Variants in FAF1 observed in about 807,000 individuals in gnomAD.
FAF1 encodes FAS-associated factor 1.
In FAF1, 25 loss-of-function variants were observed where a neutral mutation model predicts 92.5. That is an observed-to-expected ratio of 0.27 (90% CI 0.20 to 0.38). The LOEUF (loss-of-function observed/expected upper bound fraction) is 0.38, where lower values mean the gene tolerates loss of function less well. Ranked by LOEUF, FAF1 falls within the 10% of genes least tolerant of loss-of-function variation. The pLI, the probability that FAF1 is intolerant of heterozygous loss-of-function variation, is 1.00. For missense variants in FAF1, 636 were observed against 793.3 expected (o/e 0.80, Z 2.38); for synonymous variants, 234 against 273.2 (o/e 0.86, Z 1.42).
At chr1:50,908,789 C>T (rs1644860651) in intron 1 of FAF1, among the ~76,000 whole-genome samples, 1 of 152,018 alleles carries the variant, frequency 6.6e-6, no homozygotes, top group Admixed American at 6.6e-5. Context: ...AGATGGGTTT[C>T]CTGAATACAG....
At chr1:50,950,135 T>A (rs1167113199) in intron 1 of FAF1, among the ~76,000 whole-genome samples, 1 of 152,194 alleles carries the variant, frequency 6.6e-6, no homozygotes, top group African/African-American at 2.4e-5. Context: ...CCACCACACC[T>A]GTCCCAGATC....
At chr1:50,533,445 T>C (rs561858686) in intron 15 of FAF1, among the ~76,000 whole-genome samples, 7 of 152,338 alleles carry the variant, frequency 4.6e-5, no homozygotes, top group Admixed American at 1.3e-4. Flanking sequence ...CAAATGTTCA[T>C]TTATTCAATT....
chr1:50,655,566 T>G, intron 7 of FAF1, 38 bp from the exon 8 acceptor site: 2 of 1,296,168 alleles, frequency 1.5e-6, no homozygotes, highest in African/African-American at 1.5e-5. Flanking sequence ...AAAATAGAAT[T>G]TTCACATGAC....
intron 7 of FAF1, among the ~76,000 whole-genome samples, chr1:50,667,951 G>T (rs1655706950): frequency 1.3e-5 from 2 of 152,160 alleles, no homozygotes; most frequent in South Asian, 4.1e-4. Context: ...GTTTATGTTT[G>T]CTTTGCTGTT....
chr1:50,714,597 G>A (rs1307417666), intron 6 of FAF1, among the ~76,000 whole-genome samples: 3 of 152,072 alleles, frequency 2.0e-5, no homozygotes, highest in Admixed American at 6.6e-5. Flanking sequence ...CTGGGTATCA[G>A]TTTTTTAGCC....
intron 4 of FAF1, among the ~76,000 whole-genome samples, chr1:50,755,493 G>A (rs12048510): frequency 0.3 from 44,910 of 152,158 alleles, 8,968 homozygotes; most frequent in East Asian, 0.76. Context: ...GGCACTGAGT[G>A]TCTGTGGCTT....
chr1:50,714,624 GCCTTTGACAGA>G (rs1453304984), intron 6 of FAF1, among the ~76,000 whole-genome samples: 1 of 152,146 alleles, frequency 6.6e-6, no homozygotes, highest in East Asian at 1.9e-4. Flanking sequence ...TGTGGGAACT[GCCTTTGACAGA>G]CCTATTAAAG....
chr1:50,491,683 T>C (rs758729227), intron 16 of FAF1, 38 bp downstream of exon 16: 1 of 1,439,026 alleles, frequency 6.9e-7, no homozygotes. Context: ...TAATGAACAA[T>C]TGAGTTCTTT....
In FAF1 at chr1:50,923,360, G is replaced by T. The variant is rs186969324; in HGVS notation, c.45+36407C>A. ...CTCTAGGAGTTTGAGGCTGCAGTAA[G>T]CTATGATCATACCACTGCATTCCAG... On this transcript the variant is annotated intron_variant, in intron 1 of 18. Transcript: ENST00000396153. Among the ~76,000 whole-genome samples, 669 of 152,206 alleles carry T rather than the reference G, an allele frequency of 4.4e-3. 4 individuals are homozygous for T. The highest frequency in any genetic ancestry group is 0.013 in the African/African-American group (549 of 41,526).
At chr1:50,824,417 A>C (rs1013186908) in intron 2 of FAF1, among the ~76,000 whole-genome samples, 4 of 152,124 alleles carry the variant, frequency 2.6e-5, no homozygotes, top group African/African-American at 7.2e-5. Flanking sequence ...TAATAATGTT[A>C]ATCCTTTTTC....
chr1:50,869,430 T>C (rs1005283455), intron 1 of FAF1, among the ~76,000 whole-genome samples: 2 of 152,144 alleles, frequency 1.3e-5, no homozygotes, highest in Non-Finnish European at 2.9e-5. Flanking sequence ...CTGGTGGCTT[T>C]TAGTGCTTAT....
In FAF1 at chr1:50,784,645, C is replaced by A. The variant is rs77104022; in HGVS notation, c.367+3355G>T. Among the ~76,000 whole-genome samples the A allele has an allele frequency of 8.0e-3, 1,220 of 152,262 alleles. 14 individuals carry two copies. Among genetic ancestry groups the A allele is most frequent in the African/African-American group, 0.028 (1,178 of 41,554 alleles). On this transcript the variant is annotated intron_variant, in intron 4 of 18. Coordinates refer to ENST00000396153, the MANE Select transcript of FAF1 (RefSeq NM_007051.3). ...TCTGCAGATTCAATGCAATCTCTAT[C>A]AAAAGCCCAATGGTATTTTTTGCAG...
At chr1:50,734,578 C>CA (rs1236762532) in intron 6 of FAF1, among the ~76,000 whole-genome samples, 3 of 151,718 alleles carry the variant, frequency 2.0e-5, no homozygotes, top group Non-Finnish European at 2.9e-5. Flanking sequence ...ACTAAATATA[C>CA]AAAAAATTAG....
intron 2 of FAF1, among the ~76,000 whole-genome samples, chr1:50,812,980 C>A (rs1643931018): frequency 1.3e-5 from 2 of 152,256 alleles, no homozygotes; most frequent in South Asian, 4.1e-4. Flanking sequence ...GAAAACCAAA[C>A]ATAGTGTGTT....
intron 4 of FAF1, among the ~76,000 whole-genome samples, chr1:50,764,553 T>C (rs576181695): frequency 2.4e-4 from 36 of 152,282 alleles, no homozygotes; most frequent in African/African-American, 7.9e-4. Flanking sequence ...CATGGACTGT[T>C]GTATAGAAAT....
intron 2 of FAF1, among the ~76,000 whole-genome samples, chr1:50,853,854 AT>A (rs1279335172): frequency 6.6e-6 from 1 of 152,098 alleles, no homozygotes; most frequent in Non-Finnish European, 1.5e-5. Context: ...TTTCAAACTT[AT>A]GAAGATCTAT....
chr1:50,815,657 T>A (rs138484995), intron 2 of FAF1, among the ~76,000 whole-genome samples: 5 of 152,374 alleles, frequency 3.3e-5, no homozygotes, highest in African/African-American at 1.2e-4. Context: ...TAATTTACAT[T>A]TCTACCAACA....
At chr1:50,753,590 T>C (rs985268236) in intron 4 of FAF1, among the ~76,000 whole-genome samples, 4 of 152,232 alleles carry the variant, frequency 2.6e-5, no homozygotes, top group African/African-American at 9.6e-5. Context: ...TCAGATCTGC[T>C]GTTAATCTCA....
chr1:50,794,910 T>C (rs1308204635), intron 3 of FAF1, among the ~76,000 whole-genome samples: 1 of 152,148 alleles, frequency 6.6e-6, no homozygotes, highest in Non-Finnish European at 1.5e-5. Flanking sequence ...GTGCTGGGAT[T>C]ACAGGCGTGA....
Sources: allele counts gnomAD v4.1 joint callset (sites outside exome capture counted in the v4.1 genomes callset), GRCh38; gene constraint gnomAD v4.1.1; transcripts MANE v1.5; gene names NCBI Gene and HGNC (gene_info 2026-07-23, HGNC 2026-07-21).